RABGEF1: variants seen among roughly 807,000 people sequenced by gnomAD.
The protein encoded by RABGEF1 is RAB guanine nucleotide exchange factor 1.
Under a neutral mutation model 57.3 loss-of-function variants are expected in RABGEF1, and 26 were observed. The observed-to-expected ratio is 0.45, with a 90% CI of 0.33 to 0.63. The LOEUF (loss-of-function observed/expected upper bound fraction) is 0.63. RABGEF1 is among the 20% of genes least tolerant of loss of function. The probability of loss-of-function intolerance (pLI) is 0.02; values close to 1 mark genes in which losing one functional copy is unlikely to be tolerated. For missense variants in RABGEF1, 464 were observed against 607.6 expected (o/e 0.76, Z 2.48); for synonymous variants, 185 against 210.7 (o/e 0.88, Z 1.06).
the RABGEF1 span, among the ~76,000 whole-genome samples, chr7:66,670,532 A>G: frequency 1.4e-5 from 2 of 145,506 alleles, no homozygotes; most frequent in East Asian, 4.1e-4. Flanking sequence ...AAATTGCTTC[A>G]GTGATAGATA....
intron 2 of RABGEF1, among the ~76,000 whole-genome samples, chr7:66,725,413 T>A (rs568936987): frequency 6.6e-6 from 1 of 152,348 alleles, no homozygotes; most frequent in South Asian, 2.1e-4. Flanking sequence ...ACTTTTTGTC[T>A]TTATAGATTT....
chr7:66,654,778 C>G, the RABGEF1 span, among the ~76,000 whole-genome samples: 2 of 152,238 alleles, frequency 1.3e-5, no homozygotes, highest in East Asian at 3.8e-4. Context: ...CGCTGTCCTT[C>G]GTCCCACATT....
At chr7:66,670,585 C>T in the RABGEF1 span, among the ~76,000 whole-genome samples, 1 of 152,080 alleles carries the variant, frequency 6.6e-6, no homozygotes, top group East Asian at 1.9e-4. Context: ...TGGCTCACAC[C>T]TGTAATCCAA....
chr7:66,658,774 C>T, the RABGEF1 span, among the ~76,000 whole-genome samples: 463 of 152,210 alleles, frequency 3.0e-3, 2 homozygotes, highest in Admixed American at 6.6e-3. Context: ...CTCGCTCTGT[C>T]GCCCACGCTA....
rs1222848566 is a variant in RABGEF1, at chr7:66,809,937, CTA to C, written c.*658_*659del. The C allele has an allele frequency of 6.6e-6, 1 of 152,614 alleles. No individual in the cohort carries two copies. Among genetic ancestry groups the C allele is most frequent in the Non-Finnish European group, 1.5e-5 (1 of 68,058 alleles). 9.5% of individuals were successfully genotyped at this position (152,614 alleles called of 1,614,324 possible). ...ACGTGTTAGCCTTAACTTTGAGGTTCTATATAGTCAGAGACTATGACACCACT... is the reference window on the plus strand; with the variant it reads ...ACGTGTTAGCCTTAACTTTGAGGTTCTATAGTCAGAGACTATGACACCACT... On this transcript the variant is annotated 3_prime_UTR_variant, in exon 9 of 9. Transcript: ENST00000284957.
chr7:66,735,029 G>C (rs1487827178), intron 2 of RABGEF1, among the ~76,000 whole-genome samples: 1 of 152,172 alleles, frequency 6.6e-6, no homozygotes, highest in East Asian at 1.9e-4. Flanking sequence ...ATTTATGAAT[G>C]CTTTTCCAGA....
chr7:66,658,005 T>A, the RABGEF1 span, among the ~76,000 whole-genome samples: 3 of 152,114 alleles, frequency 2.0e-5, no homozygotes, highest in African/African-American at 7.2e-5. Flanking sequence ...AAGTTTTTTT[T>A]ACAGTTCAGC....
At chr7:66,780,249 G>A (rs764915272) in intron 3 of RABGEF1, among the ~76,000 whole-genome samples, 1 of 151,564 alleles carries the variant, frequency 6.6e-6, no homozygotes, top group Non-Finnish European at 1.5e-5. Flanking sequence ...CTCATAGTCA[G>A]TTGTTAATAG....
intron 1 of RABGEF1, among the ~76,000 whole-genome samples, chr7:66,757,985 TGGAAAAAAAATTTAA>T (rs1442755177): frequency 1.3e-5 from 2 of 152,172 alleles, no homozygotes; most frequent in Admixed American, 1.3e-4. Context: ...ATTTTCTAAC[TGGAAAAAAAATTTAA>T]GGGAAAAAAA....
At chr7:66,660,246 G>T in the RABGEF1 span, among the ~76,000 whole-genome samples, 11 of 151,950 alleles carry the variant, frequency 7.2e-5, no homozygotes, top group African/African-American at 1.2e-4. Flanking sequence ...TACTCAGGAG[G>T]CTGAGGCAGG....
At chr7:66,728,704 A>G (rs567262358) in intron 2 of RABGEF1, among the ~76,000 whole-genome samples, 3 of 31,330 alleles carry the variant, frequency 9.6e-5, no homozygotes, top group Non-Finnish European at 2.1e-4. Flanking sequence ...CCTCACCTCA[A>G]CTTTCAGCTC....
At chr7:66,700,320 C>T (rs192825699) in intron 1 of RABGEF1, among the ~76,000 whole-genome samples, 2,225 of 152,354 alleles carry the variant, frequency 0.015, 60 homozygotes, top group East Asian at 0.093. Context: ...CTGAGCTCCT[C>T]TTTCGCCTTG....
At chr7:66,758,685 C>T (rs1045558909) in intron 1 of RABGEF1, among the ~76,000 whole-genome samples, 1 of 151,842 alleles carries the variant, frequency 6.6e-6, no homozygotes, top group Non-Finnish European at 1.5e-5. Flanking sequence ...CTGGGTGTGC[C>T]GACTCTCCTG....
At position 66,716,811 on chromosome 7, in the gene RABGEF1, C is replaced by T. The variant is rs1373423219; in HGVS notation, c.-815+4587C>T. Among the ~76,000 whole-genome samples the T allele has an allele frequency of 9.7e-4, 147 of 152,258 alleles. 2 individuals carry two copies. Among genetic ancestry groups the T allele is most frequent in the Non-Finnish European group, 7.4e-5 (5 of 68,026 alleles). ...GTTTGAGACAGGAGACAAGGTCTTG[C>T]TCTGTTGCCCGGGCTGGAGTGCAGT... On this transcript the variant is annotated intron_variant and NMD_transcript_variant, in intron 2 of 9. Transcript: ENST00000607882.
intron 1 of RABGEF1, among the ~76,000 whole-genome samples, chr7:66,760,243 G>A (rs1280323386): frequency 3.3e-4 from 50 of 152,212 alleles, no homozygotes; most frequent in African/African-American, 1.1e-3. Context: ...CCATATCTGT[G>A]GTTTTGTCAT....
chr7:66,709,657 C>T (rs1198884623), intron 1 of RABGEF1, among the ~76,000 whole-genome samples: 1 of 152,094 alleles, frequency 6.6e-6, no homozygotes, highest in African/African-American at 2.4e-5. Flanking sequence ...ATCTTGTAAT[C>T]CCACCTACTC....
chr7:66,728,776 A>C, intron 2 of RABGEF1, among the ~76,000 whole-genome samples: 2 of 65,592 alleles, frequency 3.0e-5, no homozygotes, highest in African/African-American at 5.9e-5. Context: ...CCTCACCTCC[A>C]CCCTCACCTT....
chr7:66,687,317 G>T (rs1025149113), intron 1 of RABGEF1, among the ~76,000 whole-genome samples: 2 of 151,174 alleles, frequency 1.3e-5, no homozygotes, highest in Admixed American at 1.3e-4. Context: ...GTAGAGATGG[G>T]GTTTTGCCTT....
At chr7:66,724,485 G>A (rs1261090437) in intron 2 of RABGEF1, among the ~76,000 whole-genome samples, 2 of 151,950 alleles carry the variant, frequency 1.3e-5, no homozygotes, top group Non-Finnish European at 2.9e-5. Flanking sequence ...TCAGCCTCCC[G>A]AGTAGCTGAG....
Sources: gnomAD v4.1 joint callset for allele counts (sites outside exome capture counted in the v4.1 genomes callset) on GRCh38, gnomAD v4.1.1 for gene constraint, MANE v1.5 for transcripts, NCBI Gene and HGNC (gene_info 2026-07-23, HGNC 2026-07-21) for gene names.